The following RHCE variants were observed in gnomAD, a reference collection of about 807,000 sequenced individuals.
The protein encoded by RHCE is Rh blood group CcEe antigens.
RHCE carries 22 observed loss-of-function variants against 43.8 expected under a neutral mutation model. The observed-to-expected ratio is 0.50, with a 90% confidence interval of 0.36 to 0.72. The LOEUF is 0.72. Ranked by LOEUF, RHCE falls within the 30% of genes least tolerant of loss-of-function variation. The pLI is 0.00. For missense variants in RHCE, 385 were observed against 525.4 expected (o/e 0.73, Z 2.61); for synonymous variants, 156 against 210.7 (o/e 0.74, Z 2.25).
At chr1:25,421,183 G>C (rs566092431), upstream of RHCE, among the ~76,000 whole-genome samples, 3 of 152,262 alleles carry the variant, frequency 2.0e-5, no homozygotes, top group East Asian at 5.8e-4. Flanking sequence ...TATAAATAAG[G>C]AAACTGAAGC....
chr1:25,419,084 TG>T (rs1161378421), intron 1 of RHCE, among the ~76,000 whole-genome samples: 3 of 152,206 alleles, frequency 2.0e-5, no homozygotes, highest in Non-Finnish European at 4.4e-5. Context: ...TGAGCGACCT[TG>T]GGCAAATTAC....
intron 3 of RHCE, among the ~76,000 whole-genome samples, chr1:25,397,105 C>T (rs1646568303): frequency 2.1e-5 from 2 of 94,392 alleles, no homozygotes; most frequent in African/African-American, 5.0e-5. Context: ...GAGCAAGACT[C>T]TGTCTCAAAA....
intron 9 of RHCE, 117 bp downstream of exon 9, chr1:25,370,350 C>G: frequency 1.2e-6 from 1 of 817,630 alleles, no homozygotes; most frequent in Non-Finnish European, 2.1e-6. Context: ...CTGCAATGCT[C>G]CTTACTCCAT....
At position 25,406,235 on chromosome 1, in the gene RHCE, G is replaced by A. The variant is rs1458523289; in HGVS notation, c.335+2448C>T. Among the ~76,000 whole-genome samples, 4 of 86,038 alleles carry A rather than the reference G, an allele frequency of 4.6e-5. 2 individuals are homozygous for A. The highest frequency in any genetic ancestry group is 1.2e-3 in the South Asian group (2 of 1,634). 56.4% of individuals were successfully genotyped at this position (86,038 alleles called of 152,430 possible). On this transcript the variant is annotated intron_variant, in intron 2 of 9. Transcript: ENST00000294413. ...GTGGATGCAGTGTGTGTATGCGGGCGTGCGTGCGTGCGTGCGTGTGTGTGT... is the reference window on the plus strand; with the variant it reads ...GTGGATGCAGTGTGTGTATGCGGGCATGCGTGCGTGCGTGCGTGTGTGTGT...
chr1:25,418,874 C>T (rs544621400), intron 1 of RHCE, among the ~76,000 whole-genome samples: 7 of 152,142 alleles, frequency 4.6e-5, no homozygotes, highest in African/African-American at 9.7e-5. Flanking sequence ...TTTGTACCTA[C>T]GTTAGTAGCA....
At chr1:25,388,052 C>T (rs1369133353) in intron 6 of RHCE, among the ~76,000 whole-genome samples, 1 of 151,848 alleles carries the variant, frequency 6.6e-6, no homozygotes, top group Non-Finnish European at 1.5e-5. Flanking sequence ...CTCCTGACCT[C>T]AGGCCATCTG....
intron 9 of RHCE, among the ~76,000 whole-genome samples, chr1:25,368,801 C>T (rs1285748371): frequency 6.6e-6 from 1 of 151,060 alleles, no homozygotes; most frequent in Non-Finnish European, 1.5e-5. Context: ...CGCTCTGTCA[C>T]CCAGGCTGGA....
chr1:25,422,140 G>A (rs1189743082), upstream of RHCE, among the ~76,000 whole-genome samples: 3 of 152,186 alleles, frequency 2.0e-5, no homozygotes, highest in Non-Finnish European at 2.9e-5. Context: ...CTAGTCACTT[G>A]GCATCGGTCA....
At chr1:25,393,482 G>A (rs1646443244) in intron 3 of RHCE, among the ~76,000 whole-genome samples, 1 of 152,158 alleles carries the variant, frequency 6.6e-6, no homozygotes, top group Non-Finnish European at 1.5e-5. Flanking sequence ...TTAGCCAGGC[G>A]TGGTGATGCT....
At chr1:25,402,179 T>C (rs1276468623) in intron 3 of RHCE, among the ~76,000 whole-genome samples, 5 of 94,742 alleles carry the variant, frequency 5.3e-5, no homozygotes, top group African/African-American at 1.7e-4. Flanking sequence ...ACCCAGCCTG[T>C]CTGTCTGTCT....
At chr1:25,410,734 C>CA (rs1350653839) in intron 1 of RHCE, among the ~76,000 whole-genome samples, 1 of 152,108 alleles carries the variant, frequency 6.6e-6, no homozygotes, top group African/African-American at 2.4e-5. Flanking sequence ...GAAGGGGAAG[C>CA]ATAGGTTTTG....
chr1:25,425,351 C>T (rs1427242469), upstream of RHCE, among the ~76,000 whole-genome samples: 1 of 152,178 alleles, frequency 6.6e-6, no homozygotes, highest in Admixed American at 6.5e-5. Context: ...TGAGTGTAGG[C>T]ATCATTACGC....
At chr1:25,403,002 C>A (rs1646807194) in intron 2 of RHCE, among the ~76,000 whole-genome samples, 1 of 140,072 alleles carries the variant, frequency 7.1e-6, no homozygotes, top group South Asian at 2.4e-4. Flanking sequence ...GTGCCTTCAT[C>A]TATGAGGCAT....
intron 7 of RHCE, among the ~76,000 whole-genome samples, chr1:25,377,543 A>G (rs185819469): frequency 1.0e-3 from 156 of 152,244 alleles, no homozygotes; most frequent in African/African-American, 3.4e-3. Flanking sequence ...AAAGGGAACA[A>G]TGATAAATTG....
rs756572340 is a variant in RHCE, at chr1:25,388,985, C to T, written c.930G>A (p.Lys310=). The T allele has an allele frequency of 6.2e-7, 1 of 1,614,262 alleles. No homozygotes were observed. The highest frequency in any genetic ancestry group is 8.5e-7 in the Non-Finnish European group (1 of 1,180,048). ...VAGLISIGGA[K]CLPVCCNRVL... is the part of the protein sequence containing the mutation. The stretch of plus-strand genomic sequence containing the variant: ...TTGTCTAGTTTCTTACCGGCAGGCA[C>T]TTGGCTCCCCCGATGGAGATCAGCC... The change falls in exon 6 of 10, where the codon AAG becomes AAA. Residue 310 remains lysine, a synonymous_variant. Transcript: ENST00000294413.
At chr1:25,378,858 AC>A (rs1645867471) in intron 7 of RHCE, among the ~76,000 whole-genome samples, 1 of 152,196 alleles carries the variant, frequency 6.6e-6, no homozygotes, top group Non-Finnish European at 1.5e-5. Context: ...AGAAAATGCC[AC>A]TCAGTCACCT....
At chr1:25,413,150 T>C (rs1231042673) in intron 1 of RHCE, among the ~76,000 whole-genome samples, 1 of 152,178 alleles carries the variant, frequency 6.6e-6, no homozygotes, top group Non-Finnish European at 1.5e-5. Context: ...CCCAAGGCTC[T>C]ACACTGTCCC....
chr1:25,387,940 C>T (rs189661249), intron 6 of RHCE, among the ~76,000 whole-genome samples: 2 of 152,064 alleles, frequency 1.3e-5, no homozygotes, highest in Non-Finnish European at 2.9e-5. Flanking sequence ...CGCATCTCAG[C>T]CTCCTGAGTA....
intron 1 of RHCE, chr1:25,411,247 A>C: frequency 6.9e-7 from 1 of 1,452,058 alleles, no homozygotes; most frequent in South Asian, 1.4e-5. Flanking sequence ...GAAGGAAATA[A>C]TGTTTAGTAC....
Sources: allele counts gnomAD v4.1 joint callset (sites outside exome capture counted in the v4.1 genomes callset), GRCh38; gene constraint gnomAD v4.1.1; transcripts MANE v1.5; gene names NCBI Gene and HGNC (gene_info 2026-07-23, HGNC 2026-07-21).